MROH1: variants seen among roughly 807,000 people sequenced by gnomAD.
MROH1 encodes maestro heat-like repeat-containing protein family member 1.
MROH1 carries 117 observed loss-of-function variants against 116.5 expected under a neutral mutation model. That is an observed-to-expected ratio of 1.00 (90% confidence interval 0.86 to 1.17). MROH1 has a LOEUF of 1.17. Ranked by LOEUF, MROH1 falls within the 50% of genes most tolerant of loss-of-function variation. MROH1 has a pLI of 0.00. For missense variants in MROH1, 1,873 were observed against 1,338.5 expected (o/e 1.40, Z -6.23); for synonymous variants, 921 against 583.9 (o/e 1.58, Z -8.32).
chr8:144,152,130 G>A (rs1320086063), intron 1 of MROH1, among the ~76,000 whole-genome samples: 1 of 152,172 alleles, frequency 6.6e-6, no homozygotes. Context: ...TATAAATGAA[G>A]CACAATAAGA....
intron 1 of MROH1, among the ~76,000 whole-genome samples, chr8:144,158,162 T>G (rs1468182988): frequency 6.6e-6 from 1 of 151,848 alleles, no homozygotes; most frequent in African/African-American, 2.4e-5. Context: ...CCAGCTAATT[T>G]TTGTATTTTT....
In MROH1 at chr8:144,243,886, G is replaced by T; in HGVS notation, c.2499G>T (p.Pro833=). 2 of 780,294 alleles carry T rather than the reference G, an allele frequency of 2.6e-6. No homozygotes were observed. The highest frequency in any genetic ancestry group is 4.8e-6 in the Non-Finnish European group (2 of 417,672). 48.3% of individuals were successfully genotyped at this position (780,294 alleles called of 1,614,324 possible). ...QMMEFIRAEP[P]DSLRTPIRKK... ...AGGAGTTCATCAGGGCAGAGCCCCC[G>T]GACTCCTTGAGGACACCTATTCGGA... Residue 833 remains proline (P), a synonymous_variant, in exon 26 of 44, where the codon CCG becomes CCT. Transcript: ENST00000326134.
chr8:144,184,538 G>A (rs904756044), intron 7 of MROH1, among the ~76,000 whole-genome samples: 3 of 152,246 alleles, frequency 2.0e-5, no homozygotes, highest in African/African-American at 7.2e-5. Flanking sequence ...CAAGGACAGA[G>A]CCAGTGTGAA....
intron 1 of MROH1, among the ~76,000 whole-genome samples, chr8:144,149,506 C>A (rs1816217982): frequency 6.6e-6 from 1 of 152,090 alleles, no homozygotes; most frequent in Admixed American, 6.6e-5. Flanking sequence ...TGGCTGTCTC[C>A]TGTGTCAGGA....
intron 22 of MROH1, 40 bp from the exon 23 acceptor site, chr8:144,242,329 T>C (rs1261559385): frequency 2.7e-5 from 21 of 780,336 alleles, no homozygotes; most frequent in African/African-American, 1.4e-4. Flanking sequence ...GGGAGTGTAA[T>C]TGTGTAACTG....
chr8:144,249,221 CCT>C (rs1473782470), intron 32 of MROH1, among the ~76,000 whole-genome samples, 192 bp downstream of exon 32: 1 of 152,124 alleles, frequency 6.6e-6, no homozygotes, highest in Admixed American at 6.5e-5. Context: ...TGCTCTGCCC[CCT>C]CTCCCTACAG....
chr8:144,231,588 A>C (rs1391941643), intron 14 of MROH1, among the ~76,000 whole-genome samples: 1 of 152,208 alleles, frequency 6.6e-6, no homozygotes, highest in Non-Finnish European at 1.5e-5. Context: ...TCGTTGATTA[A>C]GCTTGCAGTT....
chr8:144,215,634 G>A (rs998271345), intron 12 of MROH1, among the ~76,000 whole-genome samples: 1 of 152,148 alleles, frequency 6.6e-6, no homozygotes, highest in African/African-American at 2.4e-5. Flanking sequence ...CACTTTGGGA[G>A]GCCGAGACCG....
Position 144,261,687 on chromosome 8 carries a change from G to C in MROH1, c.4873G>C (p.Glu1625Gln), listed in dbSNP as rs980969157. The change falls in exon 44 of 44, where the codon GAG (glutamate) becomes CAG (glutamine). Residue 1625 changes from glutamate (E) to glutamine (Q), a missense_variant. Transcript: ENST00000326134. Reference sequence around the variant, plus strand: ...GATCCTGCTGAAGGACCCGGCCCCCGAGGTGCGGACGAGGGCTGCTGAGGC... The same window carrying C: ...GATCCTGCTGAAGGACCCGGCCCCCCAGGTGCGGACGAGGGCTGCTGAGGC... ...LQILLKDPAP[E>Q]VRTRAAEALG... The C allele has an allele frequency of 3.0e-5, 22 of 728,590 alleles. No individual in the cohort carries two copies. The highest frequency in any genetic ancestry group is 5.0e-5 in the Non-Finnish European group (20 of 400,524). 45.1% of individuals were successfully genotyped at this position (728,590 alleles called of 1,614,324 possible).
rs563722100 is a variant in MROH1 at position 144,175,414 on chromosome 8, T to A, written c.169-4041T>A. 30 of 853,962 alleles carry A rather than the reference T, an allele frequency of 3.5e-5. 1 individual carries two copies. The highest frequency in any genetic ancestry group is 6.1e-4 in the Middle Eastern group (1 of 1,646). The allele number at this position is 853,962 out of a possible 1,614,324, so 52.9% of individuals were successfully genotyped here. A position where few individuals can be genotyped will look rare whatever the true frequency, so the allele number is the denominator to read the frequency against. On this transcript the variant is annotated intron_variant, in intron 4 of 43. Coordinates refer to ENST00000326134, the MANE Select transcript of MROH1 (RefSeq NM_032450.3). ...TGCCCACTTGCTGTACCCAAGCTGC[T>A]GCTCCCAGCTCAGCCATGCTCTGAC...
chr8:144,176,004 A>G (rs1339340018), intron 4 of MROH1, among the ~76,000 whole-genome samples: 1 of 151,926 alleles, frequency 6.6e-6, no homozygotes, highest in Non-Finnish European at 1.5e-5. Context: ...AGCCGAGATC[A>G]TAACACTGCA....
chr8:144,216,764 G>A (rs967095120), intron 12 of MROH1, among the ~76,000 whole-genome samples: 5 of 149,298 alleles, frequency 3.3e-5, no homozygotes, highest in African/African-American at 1.0e-4. Context: ...ATCTCAGCTC[G>A]CTGCAACTTC....
At position 144,190,877 on chromosome 8, in the gene MROH1, A is replaced by ACAT. The variant is rs1564436076; in HGVS notation, c.658_660dup (p.Ile220dup). The ACAT allele has an allele frequency of 6.2e-7, 1 of 1,613,778 alleles. No homozygotes were observed. Among genetic ancestry groups the ACAT allele is most frequent in the Middle Eastern group, 1.6e-4 (1 of 6,062 alleles). Reference sequence around the variant, plus strand: ...GTCAGGAAGGACGCCTTTGCCACCGACATCTTCAGCGCCTACGATGTTCTC... The same window carrying ACAT: ...GTCAGGAAGGACGCCTTTGCCACCGACATCATCTTCAGCGCCTACGATGTTCTC... On this transcript the variant is annotated inframe_insertion, in exon 8 of 44. Coordinates refer to ENST00000326134, the MANE Select transcript of MROH1 (RefSeq NM_032450.3).
intron 1 of MROH1, among the ~76,000 whole-genome samples, chr8:144,151,562 A>G (rs1389422997): frequency 1.3e-5 from 2 of 151,808 alleles, no homozygotes; most frequent in Non-Finnish European, 2.9e-5. Flanking sequence ...AGAACTTTAC[A>G]CTCATTCTCC....
At chr8:144,202,540 G>A (rs539423874) in intron 12 of MROH1, among the ~76,000 whole-genome samples, 3 of 132,260 alleles carry the variant, frequency 2.3e-5, no homozygotes, top group South Asian at 5.3e-4. Context: ...GGAGGGCAGC[G>A]CCCCGCTCTG....
At chr8:144,149,150 G>A (rs984768890) in intron 1 of MROH1, among the ~76,000 whole-genome samples, 61 of 152,298 alleles carry the variant, frequency 4.0e-4, no homozygotes, top group African/African-American at 1.3e-3. Flanking sequence ...GGAGATGCGT[G>A]TGGGAATCGT....
chr8:144,248,045 T>G (rs1486278964), intron 31 of MROH1, among the ~76,000 whole-genome samples: 2 of 152,356 alleles, frequency 1.3e-5, no homozygotes, highest in East Asian at 1.9e-4. Context: ...GCGGCTGCCC[T>G]GTGTGGTGTT....
intron 28 of MROH1, among the ~76,000 whole-genome samples, chr8:144,244,874 C>T (rs1452997546): frequency 6.6e-6 from 1 of 152,200 alleles, no homozygotes; most frequent in Non-Finnish European, 1.5e-5. Context: ...GGAGTGTGTT[C>T]TTCTAGGACC....
rs926305573 is a variant in MROH1, at chr8:144,243,502, C to T, written c.2361C>T (p.Ala787=). Residue 787 remains alanine (A), a synonymous_variant, in exon 25 of 44, where the codon GCC becomes GCT. Transcript: ENST00000326134. ...GCCCTGCGTCCCTGCAGGACCCAGCCCTGAAGCTGTGCCTTGTCCAGAGTG... is the reference window on the plus strand; with the variant it reads ...GCCCTGCGTCCCTGCAGGACCCAGCTCTGAAGCTGTGCCTTGTCCAGAGTG... The part of the protein sequence containing the change: ...LGIKVETKDP[A]LKLCLVQSVC... The T allele has an allele frequency of 2.6e-6, 2 of 779,786 alleles. No homozygotes were observed. The highest frequency in any genetic ancestry group is 3.4e-5 in the Admixed American group (2 of 59,016). 48.3% of individuals were successfully genotyped at this position (779,786 alleles called of 1,614,324 possible).
Sources: allele counts gnomAD v4.1 joint callset (sites outside exome capture counted in the v4.1 genomes callset), GRCh38; gene constraint gnomAD v4.1.1; transcripts MANE v1.5; gene names NCBI Gene and HGNC (gene_info 2026-07-23, HGNC 2026-07-21).